Variants in DYSF observed in about 807,000 individuals in gnomAD.
DYSF encodes the protein dystrophy-associated fer-1-like 1.
Under a neutral mutation model 274.9 loss-of-function variants are expected in DYSF, and 212 were observed. That is an observed-to-expected ratio of 0.77 (90% CI 0.69 to 0.86). DYSF has a LOEUF of 0.86. DYSF is among the 40% of genes least tolerant of loss of function. The pLI, the probability that DYSF is intolerant of heterozygous loss-of-function variation, is 0.00. For missense variants in DYSF, 2,666 were observed against 2,783.2 expected (o/e 0.96, Z 0.95); for synonymous variants, 1,091 against 1,078.7 (o/e 1.01, Z -0.22).
Position 71,611,284 on chromosome 2 carries a change from G to T in DYSF, c.3997G>T (p.Glu1333Ter). 6.2e-7 allele frequency: 1 copy of T among 1,614,014 alleles called. No homozygotes were observed. The highest frequency in any genetic ancestry group is 8.5e-7 in the Non-Finnish European group (1 of 1,179,916). The change falls in exon 37 of 56, where the codon GAG becomes TAG. Residue 1333 changes from glutamate to a stop codon, truncating the protein, a stop_gained. Transcript: ENST00000410020. LOFTEE classifies it high-confidence loss of function. Reference sequence around the variant, plus strand: ...CCTGCCCTACCCACCACCCCAGAGGGAGGCCAACATCTACATGGTTCCTCA... The same window carrying T: ...CCTGCCCTACCCACCACCCCAGAGGTAGGCCAACATCTACATGGTTCCTCA... ...TDLPYPPPQREANIYMVPQNI... is the reference protein window; with the variant it reads ...TDLPYPPPQR
chr2:71,674,894 A>C (rs1342594409), intron 52 of DYSF, among the ~76,000 whole-genome samples: 1 of 152,202 alleles, frequency 6.6e-6, no homozygotes, highest in Non-Finnish European at 1.5e-5. Flanking sequence ...GAGAGCAGTG[A>C]GTTCAAGATA....
chr2:71,650,589 G>T (rs561107819), intron 42 of DYSF, among the ~76,000 whole-genome samples: 1 of 152,166 alleles, frequency 6.6e-6, no homozygotes, highest in African/African-American at 2.4e-5. Flanking sequence ...AAGACTACAC[G>T]TGTGGCACTT....
intron 42 of DYSF, among the ~76,000 whole-genome samples, chr2:71,645,086 G>A (rs2094546701): frequency 6.6e-6 from 1 of 152,190 alleles, no homozygotes; most frequent in African/African-American, 2.4e-5. Flanking sequence ...CCCAGTGGAT[G>A]TGTGTTACAG....
At chr2:71,574,662 G>A (rs2092641647) in intron 30 of DYSF, among the ~76,000 whole-genome samples, 1 of 152,246 alleles carries the variant, frequency 6.6e-6, no homozygotes, top group African/African-American at 2.4e-5. Context: ...CCGTCTGGCT[G>A]GCCTGTGCCT....
intron 3 of DYSF, among the ~76,000 whole-genome samples, chr2:71,487,218 A>G (rs2083437278): frequency 6.6e-6 from 1 of 152,178 alleles, no homozygotes; most frequent in Admixed American, 6.5e-5. Context: ...TGAATCTTAA[A>G]TTGTATTTAA....
At chr2:71,641,727 C>T (rs1037775040) in intron 41 of DYSF, among the ~76,000 whole-genome samples, 5 of 151,958 alleles carry the variant, frequency 3.3e-5, no homozygotes, top group African/African-American at 7.3e-5. Context: ...CCTAAGTATC[C>T]GAGGTTTTAG....
chr2:71,489,789 G>A (rs567415717), intron 3 of DYSF, among the ~76,000 whole-genome samples: 19 of 152,154 alleles, frequency 1.2e-4, no homozygotes, highest in Admixed American at 3.9e-4. Context: ...GCAGGGCAGG[G>A]GTGGTGGAAT....
upstream of DYSF, among the ~76,000 whole-genome samples, chr2:71,463,884 G>T (rs948400948): frequency 6.6e-6 from 1 of 152,176 alleles, no homozygotes; most frequent in Non-Finnish European, 1.5e-5. Flanking sequence ...GAGCAGTCAG[G>T]TTCTGCTAGA....
intron 14 of DYSF, among the ~76,000 whole-genome samples, chr2:71,534,625 G>A (rs1217459655): frequency 6.6e-6 from 1 of 152,188 alleles, no homozygotes; most frequent in Non-Finnish European, 1.5e-5. Flanking sequence ...CTGGGGTAAT[G>A]GGCAAAAGAG....
At chr2:71,621,225 A>C (rs1358170384) in intron 41 of DYSF, among the ~76,000 whole-genome samples, 1 of 152,114 alleles carries the variant, frequency 6.6e-6, no homozygotes, top group Non-Finnish European at 1.5e-5. Flanking sequence ...GGTGAGGGCC[A>C]GTGGGAGCCC....
intron 3 of DYSF, among the ~76,000 whole-genome samples, chr2:71,497,169 A>G (rs1448128305): frequency 6.6e-6 from 1 of 152,228 alleles, no homozygotes; most frequent in Non-Finnish European, 1.5e-5. Flanking sequence ...TTATCAAGAC[A>G]GGGGAATTGC....
intron 12 of DYSF, among the ~76,000 whole-genome samples, chr2:71,522,818 A>G (rs2087445203): frequency 6.6e-6 from 1 of 152,174 alleles, no homozygotes; most frequent in South Asian, 2.1e-4. Flanking sequence ...TTGCATGATT[A>G]TCCACTTAGT....
chr2:71,622,628 G>T (rs1402089686), intron 41 of DYSF, among the ~76,000 whole-genome samples: 1 of 151,872 alleles, frequency 6.6e-6, no homozygotes, highest in Non-Finnish European at 1.5e-5. Flanking sequence ...TTTTTTTATT[G>T]TTTTTGAGAT....
At chr2:71,609,940 T>C (rs1215313477) in intron 36 of DYSF, among the ~76,000 whole-genome samples, 3 of 152,196 alleles carry the variant, frequency 2.0e-5, no homozygotes, top group African/African-American at 7.2e-5. Context: ...GTTTAATAAA[T>C]GAGATTACAT....
chr2:71,477,295 G>A (rs769033078), intron 1 of DYSF, among the ~76,000 whole-genome samples: 59 of 152,130 alleles, frequency 3.9e-4, no homozygotes, highest in Admixed American at 1.3e-3. Flanking sequence ...CAGATGCTGT[G>A]AGTCATGGTG....
intron 3 of DYSF, among the ~76,000 whole-genome samples, chr2:71,499,802 G>A (rs2084792659): frequency 2.0e-5 from 3 of 152,218 alleles, no homozygotes; most frequent in African/African-American, 7.2e-5. Context: ...CTAGCCAAGA[G>A]GTCTGAGGAG....
Position 71,553,865 on chromosome 2 carries a change from C to G in DYSF, c.2043C>G (p.Ser681=). Residue 681 remains serine, a synonymous_variant, in exon 21 of 56, where the codon TCC becomes TCG. Coordinates refer to ENST00000410020, the MANE Select transcript of DYSF (RefSeq NM_001130987.2). The part of the protein sequence containing the change: ...GNVKPVVVLS[S]YWEDISHRIE... Reference sequence around the variant, plus strand: ...TGAAACCTGTGGTGGTGCTGTCATCCTACTGGGAGGACATCAGCCATAGAA... The same window carrying G: ...TGAAACCTGTGGTGGTGCTGTCATCGTACTGGGAGGACATCAGCCATAGAA... The G allele has an allele frequency of 6.2e-7, 1 of 1,613,078 alleles. No homozygotes were observed. Among genetic ancestry groups the G allele is most frequent in the South Asian group, 1.1e-5 (1 of 91,056 alleles).
chr2:71,655,746 C>T (rs368891640), intron 42 of DYSF, among the ~76,000 whole-genome samples: 1 of 152,222 alleles, frequency 6.6e-6, no homozygotes, highest in Admixed American at 6.5e-5. Flanking sequence ...AAATGTCGGT[C>T]CACCCTTTGC....
chr2:71,608,142 G>C (rs1205921088), intron 36 of DYSF, among the ~76,000 whole-genome samples: 1 of 152,016 alleles, frequency 6.6e-6, no homozygotes, highest in Non-Finnish European at 1.5e-5. Flanking sequence ...TTTCCGGGGA[G>C]GGGTGCTGAG....
Sources: allele counts gnomAD v4.1 joint callset (sites outside exome capture counted in the v4.1 genomes callset), GRCh38; gene constraint gnomAD v4.1.1; transcripts MANE v1.5; gene names NCBI Gene and HGNC (gene_info 2026-07-23, HGNC 2026-07-21).